The following ITGBL1 variants were observed in gnomAD, a reference collection of about 807,000 sequenced individuals.
ITGBL1 encodes the protein integrin beta-like protein 1.
Under a neutral mutation model 68.5 loss-of-function variants are expected in ITGBL1, and 51 were observed. That is an observed-to-expected ratio of 0.74 (90% CI 0.59 to 0.94). ITGBL1 has a LOEUF of 0.94. ITGBL1 is among the 40% of genes least tolerant of loss of function. ITGBL1 has a pLI of 0.00. For synonymous variants in ITGBL1, 209 were observed against 227.3 expected (o/e 0.92, Z 0.72); for missense variants, 649 against 647.4 (o/e 1.00, Z -0.03).
chr13:101,547,641 G>T (rs2049849163), intron 2 of ITGBL1, among the ~76,000 whole-genome samples: 1 of 151,632 alleles, frequency 6.6e-6, no homozygotes, highest in Non-Finnish European at 1.5e-5. Context: ...TCTAGTATTT[G>T]ACAGCTCAAC....
At position 101,633,591 on chromosome 13, in the gene ITGBL1, C is replaced by T. The variant is rs546004205; in HGVS notation, c.1015+35292C>T. 1.2e-4 allele frequency among the ~76,000 whole-genome samples: 18 copies of T among 152,240 alleles called. No individual in the cohort carries two copies. In the Middle Eastern group the frequency reaches 0.017, roughly 144 times the overall value. On this transcript the variant is annotated intron_variant, in intron 7 of 10. Transcript: ENST00000376180. The stretch of plus-strand genomic sequence containing the variant: ...CTGAGCAGAAGCTTTGAGAGCCTCC[C>T]GTGGCTTCTCAGCCTTTTTGCTTTT...
intron 7 of ITGBL1, among the ~76,000 whole-genome samples, chr13:101,684,346 T>C (rs1193487723): frequency 6.6e-6 from 1 of 151,984 alleles, no homozygotes; most frequent in African/African-American, 2.4e-5. Flanking sequence ...GTGCTTTCCA[T>C]TTCTGTATAA....
At chr13:101,685,023 C>T (rs1242094239) in intron 7 of ITGBL1, among the ~76,000 whole-genome samples, 1 of 151,894 alleles carries the variant, frequency 6.6e-6, no homozygotes, top group East Asian at 1.9e-4. Flanking sequence ...TGACATTTCT[C>T]CACTTATTTT....
At chr13:101,635,090 A>G (rs1390164646) in intron 7 of ITGBL1, among the ~76,000 whole-genome samples, 1 of 152,068 alleles carries the variant, frequency 6.6e-6, no homozygotes, top group East Asian at 1.9e-4. Context: ...TGTATATTAT[A>G]TAGTCAAAAG....
At position 101,490,982 on chromosome 13, in the gene ITGBL1, A is replaced by T. The variant is rs182381581; in HGVS notation, c.316+36882A>T. On this transcript the variant is annotated intron_variant, in intron 2 of 10. Transcript: ENST00000376180. ...GGTCTCATTGTTAATAAGTGGTGTG[A>T]CACACATTGTGTGTGTAATGTCTGT... is the stretch of plus-strand genomic sequence containing the variant. Among the ~76,000 whole-genome samples, 16 of 152,304 alleles carry T rather than the reference A, an allele frequency of 1.1e-4. 1 individual carries two copies. The highest frequency in any genetic ancestry group is 9.2e-4 in the Admixed American group (14 of 15,300).
At chr13:101,717,368 C>G (rs1020334092), downstream of ITGBL1, 1 of 151,968 alleles carries the variant, frequency 6.6e-6, no homozygotes, top group African/African-American at 2.4e-5. Flanking sequence ...TTATTGAGTA[C>G]GTAAATTGAT....
chr13:101,685,304 G>A (rs1208182140), intron 7 of ITGBL1, among the ~76,000 whole-genome samples: 2 of 151,912 alleles, frequency 1.3e-5, no homozygotes, highest in Admixed American at 6.6e-5. Flanking sequence ...TGATATTTTT[G>A]TACATGAAAC....
At position 101,708,026 on chromosome 13, in the gene ITGBL1, AACACACACACACACAC is replaced by A. The variant is rs3062945; in HGVS notation, c.1279+1152_1279+1167del. On this transcript the variant is annotated intron_variant, in intron 9 of 10. Coordinates refer to ENST00000376180, the MANE Select transcript of ITGBL1 (RefSeq NM_004791.3). ...CCATCTCCCATCCTACACACATGCAAACACACACACACACACACACACACACACACACACACACACA... is the reference window on the plus strand; with the variant it reads ...CCATCTCCCATCCTACACACATGCAAACACACACACACACACACACACACA... 4.8e-5 allele frequency among the ~76,000 whole-genome samples: 7 copies of A among 144,338 alleles called. No homozygotes were observed. The East Asian group carries it at 6.1e-4, about 13-fold the overall frequency. 94.7% of individuals were successfully genotyped at this position (144,338 alleles called of 152,430 possible). A position where few individuals can be genotyped will look rare whatever the true frequency, so the allele number is the denominator to read the frequency against.
At chr13:101,464,213 C>T (rs996271176) in intron 2 of ITGBL1, among the ~76,000 whole-genome samples, 1 of 152,090 alleles carries the variant, frequency 6.6e-6, no homozygotes, top group Non-Finnish European at 1.5e-5. Context: ...CTTAAAACTC[C>T]CAATGCTTTG....
Position 101,634,675 on chromosome 13 carries a change from A to G in ITGBL1, c.1015+36376A>G, listed in dbSNP as rs77383607. Among the ~76,000 whole-genome samples, 886 of 152,236 alleles carry G rather than the reference A, an allele frequency of 5.8e-3. 6 individuals carry two copies. Among genetic ancestry groups the G allele is most frequent in the African/African-American group, 0.02 (832 of 41,562 alleles). ...CAGCTAAGAGTGCCAGGTGTGTGTC[A>G]TATGCACTGAATAGGAAATTATCCT... On this transcript the variant is annotated intron_variant, in intron 7 of 10. Transcript: ENST00000376180.
intron 2 of ITGBL1, among the ~76,000 whole-genome samples, chr13:101,537,395 CTT>C (rs2049598051): frequency 1.3e-5 from 2 of 151,914 alleles, no homozygotes; most frequent in African/African-American, 2.4e-5. Context: ...TTATATGAAA[CTT>C]AATCTTTAGA....
chr13:101,675,454 A>G (rs1208443474), intron 7 of ITGBL1, among the ~76,000 whole-genome samples: 1 of 152,110 alleles, frequency 6.6e-6, no homozygotes, highest in Non-Finnish European at 1.5e-5. Flanking sequence ...GATTTAAGTA[A>G]GGTTGATTTC....
intron 7 of ITGBL1, among the ~76,000 whole-genome samples, chr13:101,664,473 C>CT (rs1319263699): frequency 2.6e-5 from 4 of 151,944 alleles, no homozygotes; most frequent in Non-Finnish European, 5.9e-5. Context: ...TATATTGTTT[C>CT]TTTTTTAAAT....
chr13:101,592,446 A>G (rs2050671004), intron 6 of ITGBL1, among the ~76,000 whole-genome samples: 1 of 152,154 alleles, frequency 6.6e-6, no homozygotes, highest in Non-Finnish European at 1.5e-5. Flanking sequence ...GAATAAAATT[A>G]ACCAAGGATG....
intron 6 of ITGBL1, 111 bp downstream of exon 6, chr13:101,583,467 G>A: frequency 1.3e-6 from 1 of 773,170 alleles, no homozygotes. Flanking sequence ...CTGTTGGATA[G>A]CACAATAGGG....
chr13:101,522,979 T>C (rs1216186794), intron 2 of ITGBL1, among the ~76,000 whole-genome samples: 1 of 152,188 alleles, frequency 6.6e-6, no homozygotes, highest in East Asian at 1.9e-4. Context: ...CAAAATGCAT[T>C]CCTCTCTCGT....
chr13:101,684,223 C>G (rs533440489), intron 7 of ITGBL1, among the ~76,000 whole-genome samples: 1 of 152,048 alleles, frequency 6.6e-6, no homozygotes, highest in Non-Finnish European at 1.5e-5. Context: ...TACTTGGTCT[C>G]CACTTCCACC....
intron 8 of ITGBL1, among the ~76,000 whole-genome samples, chr13:101,693,137 A>C (rs1339310132): frequency 6.6e-6 from 1 of 152,188 alleles, no homozygotes; most frequent in Non-Finnish European, 1.5e-5. Flanking sequence ...CTCATACCCA[A>C]ACAAGAGCTC....
In ITGBL1 at chr13:101,575,545, A is replaced by G; in HGVS notation, c.585A>G (p.Gly195=). The G allele has an allele frequency of 6.2e-7, 1 of 1,611,804 alleles. No individual in the cohort carries two copies. The highest frequency in any genetic ancestry group is 8.5e-7 in the Non-Finnish European group (1 of 1,178,392). Reference sequence around the variant, plus strand: ...ACGATGAAACAGAAGAAATATGTGGAGGTATGTATATTGGCTCTGTAGAAA... The same window carrying G: ...ACGATGAAACAGAAGAAATATGTGGGGGTATGTATATTGGCTCTGTAGAAA... ...CIDDETEEIC[G]GHGKCYCGNC... Residue 195 remains glycine, a splice_region_variant and synonymous_variant, in exon 4 of 11, where the codon GGA becomes GGG. Transcript: ENST00000376180.
Sources: gnomAD v4.1 joint callset for allele counts (sites outside exome capture counted in the v4.1 genomes callset) on GRCh38, gnomAD v4.1.1 for gene constraint, MANE v1.5 for transcripts, NCBI Gene and HGNC (gene_info 2026-07-23, HGNC 2026-07-21) for gene names.